ARSG: variants seen among roughly 807,000 people sequenced by gnomAD.
ARSG encodes the protein arylsulfatase G, also known as ASG.
In ARSG, 37 loss-of-function variants were observed where a neutral mutation model predicts 50.5. The ratio of observed to expected loss-of-function variants is 0.73; its 90% CI spans 0.56 to 0.96. ARSG has a LOEUF of 0.96. Among genes scored for constraint, ARSG ranks in the 50% least tolerant of loss-of-function variants. The pLI, the probability that ARSG is intolerant of heterozygous loss-of-function variation, is 0.00. For synonymous variants in ARSG, 225 were observed against 254.6 expected, an observed-to-expected ratio of 0.88 and a Z score of 1.11; for missense variants, 629 against 675.3, an observed-to-expected ratio of 0.93 and a Z score of 0.76.
intron 9 of ARSG, among the ~76,000 whole-genome samples, chr17:68,385,555 G>A (rs1273816278): frequency 7.5e-6 from 1 of 133,346 alleles, no homozygotes; most frequent in Non-Finnish European, 1.6e-5. Context: ...GGAGAGGGGA[G>A]GCGAGGGGAG....
At position 68,386,002 on chromosome 17, in the gene ARSG, G is replaced by A. The variant is rs141679365; in HGVS notation, c.1091+830G>A. ...GCCTCTGGCCATGATGCTTCTTAAT[G>A]AGCTGAGTGTCTGCATAGCTCACTG... On this transcript the variant is annotated intron_variant, in intron 9 of 11. Coordinates refer to ENST00000621439, the MANE Select transcript of ARSG (RefSeq NM_001267727.2). Among the ~76,000 whole-genome samples the A allele has an allele frequency of 3.2e-3, 484 of 152,308 alleles. 4 individuals carry two copies. The highest frequency in any genetic ancestry group is 0.011 in the African/African-American group (461 of 41,554).
intron 2 of ARSG, among the ~76,000 whole-genome samples, chr17:68,309,368 G>C (rs1385165755): frequency 6.6e-6 from 1 of 152,234 alleles, no homozygotes; most frequent in South Asian, 2.1e-4. Flanking sequence ...ACAGTGCAGC[G>C]GTGGGCTGAA....
chr17:68,413,275 A>T (rs1194536706), intron 11 of ARSG, among the ~76,000 whole-genome samples: 1 of 151,756 alleles, frequency 6.6e-6, no homozygotes, highest in African/African-American at 2.4e-5. Context: ...GTCTTTGATG[A>T]TGGTGATGTA....
chr17:68,447,523 G>A, the ARSG span, among the ~76,000 whole-genome samples: 4 of 151,742 alleles, frequency 2.6e-5, no homozygotes, highest in African/African-American at 9.7e-5. Context: ...CTAGGCCTAC[G>A]GGCAAGTGCC....
chr17:68,435,520 G>T, the ARSG span: 1 of 1,159,656 alleles, frequency 8.6e-7, no homozygotes, highest in Non-Finnish European at 1.3e-6. Context: ...CCAGAGACCA[G>T]TCAGTCTTCA....
Position 68,368,679 on chromosome 17 carries a change from T to C in ARSG, c.836T>C (p.Leu279Pro). 1 of 1,614,136 alleles carries C rather than the reference T, an allele frequency of 6.2e-7. No homozygotes were observed. Among genetic ancestry groups the C allele is most frequent in the Non-Finnish European group, 8.5e-7 (1 of 1,179,998 alleles). ...GCAGGGCTCTGGGAGATGGACAGTC[T>C]GGTGGGCCAGATCAAGGACAAAGTT... ...YGAGLWEMDS[L>P]VGQIKDKVDH... Residue 279 changes from leucine to proline, a missense_variant, in exon 7 of 12, where the codon CTG (leucine) becomes CCG (proline). Physicochemically the swap from Leu to Pro is moderately conservative, Grantham distance 98. Coordinates refer to ENST00000621439, the MANE Select transcript of ARSG (RefSeq NM_001267727.2).
intron 1 of ARSG, among the ~76,000 whole-genome samples, chr17:68,260,417 C>T (rs2075054749): frequency 6.6e-6 from 1 of 152,182 alleles, no homozygotes; most frequent in Admixed American, 6.5e-5. Flanking sequence ...CAAGTAGAGT[C>T]ATCTGGGGTT....
chr17:68,276,687 C>A (rs2075534247), intron 1 of ARSG, among the ~76,000 whole-genome samples: 1 of 152,138 alleles, frequency 6.6e-6, no homozygotes, highest in African/African-American at 2.4e-5. Context: ...CTCTAGGGCT[C>A]AAGCAATCCT....
At chr17:68,306,065 C>T (rs550441131) in intron 1 of ARSG, among the ~76,000 whole-genome samples, 148 of 151,460 alleles carry the variant, frequency 9.8e-4, no homozygotes, top group Non-Finnish European at 1.5e-3. Flanking sequence ...TGCAGTGGTG[C>T]GATCTCAGCT....
chr17:68,445,916 G>C, the ARSG span, among the ~76,000 whole-genome samples: 1 of 152,178 alleles, frequency 6.6e-6, no homozygotes, highest in Non-Finnish European at 1.5e-5. Flanking sequence ...GCTCTCCCCG[G>C]AGATTCTGGT....
chr17:68,286,022 G>A (rs1352928736), intron 1 of ARSG, among the ~76,000 whole-genome samples: 1 of 152,178 alleles, frequency 6.6e-6, no homozygotes, highest in Non-Finnish European at 1.5e-5. Context: ...GCCTCCCAAA[G>A]TGCTGGGATT....
At chr17:68,302,824 G>A (rs556851016) in intron 1 of ARSG, among the ~76,000 whole-genome samples, 8 of 152,350 alleles carry the variant, frequency 5.3e-5, no homozygotes, top group African/African-American at 7.2e-5. Flanking sequence ...TTCACAGTCA[G>A]TTGTGCTCTG....
chr17:68,434,840 G>T, the ARSG span, among the ~76,000 whole-genome samples: 1 of 151,980 alleles, frequency 6.6e-6, no homozygotes, highest in Non-Finnish European at 1.5e-5. Context: ...CCTTCCACCT[G>T]TGCCCAAGGC....
At chr17:68,433,524 G>A in the ARSG span, 10 of 1,613,750 alleles carry the variant, frequency 6.2e-6, no homozygotes, top group African/African-American at 4.0e-5. Context: ...TACTGGAGGC[G>A]CAGAGGAATT....
chr17:68,376,030 A>G (rs2080126201), intron 8 of ARSG, among the ~76,000 whole-genome samples: 1 of 152,148 alleles, frequency 6.6e-6, no homozygotes, highest in Admixed American at 6.5e-5. Flanking sequence ...CACCTTCCCA[A>G]TGTTGTGCAA....
At chr17:68,422,889 T>C (rs902547616), downstream of ARSG, among the ~76,000 whole-genome samples, 5 of 152,174 alleles carry the variant, frequency 3.3e-5, no homozygotes, top group African/African-American at 7.2e-5. Flanking sequence ...CTCCCGAATG[T>C]AGCAGCTTTC....
intron 1 of ARSG, among the ~76,000 whole-genome samples, chr17:68,293,513 A>G (rs1376383775): frequency 1.3e-5 from 2 of 151,850 alleles, no homozygotes; most frequent in Non-Finnish European, 2.9e-5. Context: ...AATAATAATA[A>G]TAATAGATTT....
At chr17:68,382,043 C>A (rs997157550) in intron 8 of ARSG, among the ~76,000 whole-genome samples, 1 of 151,836 alleles carries the variant, frequency 6.6e-6, no homozygotes, top group East Asian at 1.9e-4. Flanking sequence ...CTCCGCCTCC[C>A]GGGTTCAAGT....
At chr17:68,444,915 CTTTTT>C in the ARSG span, among the ~76,000 whole-genome samples, 7 of 89,084 alleles carry the variant, frequency 7.9e-5, no homozygotes, top group Non-Finnish European at 1.3e-4. Context: ...ATCCTGAACA[CTTTTT>C]TTTTTTTTTT....
Sources: allele counts gnomAD v4.1 joint callset (sites outside exome capture counted in the v4.1 genomes callset), GRCh38; gene constraint gnomAD v4.1.1; transcripts MANE v1.5; gene names NCBI Gene and HGNC (gene_info 2026-07-23, HGNC 2026-07-21).